The following IMMP2L variants were observed in gnomAD, a reference collection of about 807,000 sequenced individuals.
The protein encoded by IMMP2L is mitochondrial inner membrane protease subunit 2.
In IMMP2L, 18 loss-of-function variants were observed where a neutral mutation model predicts 19.3. The observed-to-expected ratio is 0.93, with a 90% CI of 0.64 to 1.38. The LOEUF (loss-of-function observed/expected upper bound fraction) is 1.38, where lower values mean the gene tolerates loss of function less well. Ranked by LOEUF, IMMP2L falls within the 40% of genes most tolerant of loss-of-function variation. The pLI, the probability that IMMP2L is intolerant of heterozygous loss-of-function variation, is 0.00. For missense variants in IMMP2L, 233 were observed against 218.2 expected (o/e 1.07, Z -0.43); for synonymous variants, 76 against 73.0 (o/e 1.04, Z -0.21).
rs113305861 is a variant in IMMP2L, at chr7:111,219,807, T to C, written c.240-256242A>G. ...TTTACCTTTGTTAACCTGTTTCTAT[T>C]GTGTTTAATCTGAAAAGCTTTTTCA... is the stretch of plus-strand genomic sequence containing the variant. On this transcript the variant is annotated intron_variant, in intron 3 of 5. Coordinates refer to ENST00000405709, the MANE Select transcript of IMMP2L (RefSeq NM_032549.4). Among the ~76,000 whole-genome samples the C allele has an allele frequency of 3.0e-3, 450 of 152,090 alleles. 2 individuals carry two copies. Among genetic ancestry groups the C allele is most frequent in the African/African-American group, 0.01 (426 of 41,530 alleles).
chr7:111,386,376 T>C (rs1831755273), intron 3 of IMMP2L, among the ~76,000 whole-genome samples: 1 of 152,168 alleles, frequency 6.6e-6, no homozygotes, highest in African/African-American at 2.4e-5. Context: ...ATACTTTGTA[T>C]GACTGGTTTT....
intron 3 of IMMP2L, among the ~76,000 whole-genome samples, chr7:111,429,472 C>G (rs1189819272): frequency 6.6e-6 from 1 of 151,804 alleles, no homozygotes; most frequent in East Asian, 1.9e-4. Flanking sequence ...ACACCCACAT[C>G]TGGTGCTAGG....
intron 5 of IMMP2L, among the ~76,000 whole-genome samples, chr7:110,798,323 G>A (rs1801002811): frequency 6.6e-6 from 1 of 151,832 alleles, no homozygotes; most frequent in South Asian, 2.1e-4. Flanking sequence ...ACACATTTCC[G>A]AGGAACATTT....
chr7:111,223,395 A>C (rs1812735424), intron 3 of IMMP2L, among the ~76,000 whole-genome samples: 1 of 152,076 alleles, frequency 6.6e-6, no homozygotes, highest in Non-Finnish European at 1.5e-5. Flanking sequence ...CTAACAAATT[A>C]AGAAAAATTA....
chr7:111,170,128 C>A (rs764999684), intron 3 of IMMP2L, among the ~76,000 whole-genome samples: 1 of 151,720 alleles, frequency 6.6e-6, no homozygotes, highest in African/African-American at 2.4e-5. Flanking sequence ...TATATTTTGG[C>A]ACATATTATG....
At chr7:111,410,691 T>C (rs1281588443) in intron 3 of IMMP2L, among the ~76,000 whole-genome samples, 1 of 151,496 alleles carries the variant, frequency 6.6e-6, no homozygotes, top group Non-Finnish European at 1.5e-5. Flanking sequence ...TTAAAGGAAA[T>C]ATGAACATAA....
At chr7:111,118,259 T>C (rs1001928777) in intron 3 of IMMP2L, among the ~76,000 whole-genome samples, 3 of 152,046 alleles carry the variant, frequency 2.0e-5, no homozygotes, top group African/African-American at 4.8e-5. Flanking sequence ...TGCCAAAAAG[T>C]AGGTGTTGGA....
chr7:111,032,030 C>T (rs892057080), intron 3 of IMMP2L, among the ~76,000 whole-genome samples: 4 of 150,806 alleles, frequency 2.7e-5, no homozygotes, highest in African/African-American at 9.8e-5. Context: ...CCTCCGCCTC[C>T]TGGGCTGAAG....
chr7:111,142,044 G>T lies in IMMP2L; in HGVS notation c.240-178479C>A, dbSNP rs761622497. Among the ~76,000 whole-genome samples the T allele has an allele frequency of 7.2e-5, 11 of 152,178 alleles. No individual in the cohort carries two copies. In the South Asian group the frequency reaches 8.3e-4, roughly 11 times the overall value. ...TGCATACATGAAAATCTGAACACAG[G>T]GTCAGGCACGGTGGCTCATGCCTCT... On this transcript the variant is annotated intron_variant, in intron 3 of 5. Transcript: ENST00000405709.
At chr7:110,789,184 C>T (rs1171204252) in intron 5 of IMMP2L, among the ~76,000 whole-genome samples, 1 of 151,812 alleles carries the variant, frequency 6.6e-6, no homozygotes, top group Non-Finnish European at 1.5e-5. Context: ...GGCTTTGGGT[C>T]TTCCCAACCA....
intron 3 of IMMP2L, among the ~76,000 whole-genome samples, chr7:111,081,685 T>C (rs2129576498): frequency 6.6e-6 from 1 of 152,314 alleles, no homozygotes; most frequent in Middle Eastern, 3.4e-3. Flanking sequence ...TGTTGATACA[T>C]CTCTCGTTTG....
chr7:111,358,617 TC>T (rs1288494349), intron 3 of IMMP2L, among the ~76,000 whole-genome samples: 10 of 152,100 alleles, frequency 6.6e-5, no homozygotes, highest in African/African-American at 2.4e-4. Context: ...ACTGAAAGGC[TC>T]CCTTAACCAA....
intron 3 of IMMP2L, among the ~76,000 whole-genome samples, chr7:111,268,882 A>G (rs1312908138): frequency 6.6e-6 from 1 of 152,050 alleles, no homozygotes; most frequent in Non-Finnish European, 1.5e-5. Context: ...TACAGGTATG[A>G]GCCACTGCAC....
chr7:110,766,543 A>G (rs1449188809), intron 5 of IMMP2L, among the ~76,000 whole-genome samples: 3 of 144,758 alleles, frequency 2.1e-5, no homozygotes, highest in Non-Finnish European at 4.5e-5. Flanking sequence ...AGATCGTACC[A>G]CTGCACTCCA....
chr7:111,120,573 A>G (rs187094745), intron 3 of IMMP2L, among the ~76,000 whole-genome samples: 89 of 152,260 alleles, frequency 5.8e-4, no homozygotes, highest in African/African-American at 2.1e-3. Flanking sequence ...ATGTAATAAA[A>G]TTGTTTTTTC....
chr7:110,728,807 AC>A lies in IMMP2L; in HGVS notation c.409-65087del, dbSNP rs1451907927. ...TATTCGTGAGGTGGCTACAATCATT[AC>A]CCCCATTAAATGATGAAAAACTAGG... On this transcript the variant is annotated intron_variant, in intron 5 of 5. Coordinates refer to ENST00000405709, the MANE Select transcript of IMMP2L (RefSeq NM_032549.4). The surrounding 1 kb of genome is among the most constrained non-coding windows in gnomAD (Gnocchi z 4.6). 2.0e-5 allele frequency among the ~76,000 whole-genome samples: 3 copies of A among 152,172 alleles called. No individual in the cohort carries two copies. The highest frequency in any genetic ancestry group is 2.9e-5 in the Non-Finnish European group (2 of 68,032).
chr7:111,205,766 G>A (rs1810634598), intron 3 of IMMP2L, among the ~76,000 whole-genome samples: 1 of 152,148 alleles, frequency 6.6e-6, no homozygotes, highest in African/African-American at 2.4e-5. Flanking sequence ...CTAGAGCTGA[G>A]TCTAATCCTA....
At chr7:110,701,195 T>C (rs1794262729) in intron 5 of IMMP2L, among the ~76,000 whole-genome samples, 1 of 152,150 alleles carries the variant, frequency 6.6e-6, no homozygotes, top group Non-Finnish European at 1.5e-5. Context: ...CCTATCATAG[T>C]GTAGTTTTTA....
chr7:111,177,241 G>A (rs530825745), intron 3 of IMMP2L, among the ~76,000 whole-genome samples: 1 of 151,994 alleles, frequency 6.6e-6, no homozygotes, highest in South Asian at 2.1e-4. Context: ...GTGCAGTGGT[G>A]CTATCGCAGT....
Sources: gnomAD v4.1 joint callset for allele counts (sites outside exome capture counted in the v4.1 genomes callset) on GRCh38, gnomAD v4.1.1 for gene constraint, Gnocchi (gnomAD v3.1) non-coding constraint, MANE v1.5 for transcripts, NCBI Gene and HGNC (gene_info 2026-07-23, HGNC 2026-07-21) for gene names.